The following AFG2A variants were observed in gnomAD, a reference collection of about 807,000 sequenced individuals.
AFG2A encodes the protein ATPase family gene 2 protein homolog A.
chr4:122,946,795 C>T, the AFG2A span, among the ~76,000 whole-genome samples: 3 of 152,076 alleles, frequency 2.0e-5, no homozygotes, highest in Non-Finnish European at 4.4e-5. Flanking sequence ...AGATAACTTT[C>T]TAATAGAATC....
chr4:123,008,489 G>A, the AFG2A span, among the ~76,000 whole-genome samples: 2 of 152,100 alleles, frequency 1.3e-5, no homozygotes, highest in African/African-American at 4.8e-5. Flanking sequence ...TTTACTTTAT[G>A]ATCAGAAACA....
chr4:123,136,850 A>T, the AFG2A span, among the ~76,000 whole-genome samples: 1 of 151,622 alleles, frequency 6.6e-6, no homozygotes, highest in Non-Finnish European at 1.5e-5. Flanking sequence ...CTCAAAAAAA[A>T]AAAAAAAGAA....
chr4:123,197,350 A>G, the AFG2A span, among the ~76,000 whole-genome samples: 1 of 152,234 alleles, frequency 6.6e-6, no homozygotes, highest in African/African-American at 2.4e-5. Context: ...TTAAGAGAAC[A>G]TAGGCATTTG....
the AFG2A span, among the ~76,000 whole-genome samples, chr4:123,293,711 C>T: frequency 6.6e-6 from 1 of 152,224 alleles, no homozygotes; most frequent in Non-Finnish European, 1.5e-5. Context: ...GCAGTGCCCT[C>T]AAGAAGTCCC....
the AFG2A span, among the ~76,000 whole-genome samples, chr4:123,281,108 T>G: frequency 2.6e-5 from 4 of 152,124 alleles, no homozygotes; most frequent in African/African-American, 9.7e-5. Flanking sequence ...TGTTTTTTAT[T>G]TAAATTGATA....
chr4:122,987,350 A>C, the AFG2A span, among the ~76,000 whole-genome samples: 2 of 152,102 alleles, frequency 1.3e-5, no homozygotes, highest in Admixed American at 1.3e-4. Context: ...TGGGTAGCAT[A>C]ATTTTGAATC....
the AFG2A span, among the ~76,000 whole-genome samples, chr4:123,121,448 C>T: frequency 1.3e-5 from 2 of 152,144 alleles, no homozygotes; most frequent in African/African-American, 4.8e-5. Context: ...CACTGACTCA[C>T]CCAGAGCAAC....
At chr4:123,219,259 T>C in the AFG2A span, among the ~76,000 whole-genome samples, 1 of 152,218 alleles carries the variant, frequency 6.6e-6, no homozygotes, top group African/African-American at 2.4e-5. Flanking sequence ...GAGGCAAGCG[T>C]CTGACACAGG....
At chr4:123,186,858 A>G in the AFG2A span, among the ~76,000 whole-genome samples, 2 of 152,140 alleles carry the variant, frequency 1.3e-5, no homozygotes, top group African/African-American at 4.8e-5. Flanking sequence ...AAGTGGGAAT[A>G]TAGATATGTG....
chr4:123,265,835 C>T, the AFG2A span, among the ~76,000 whole-genome samples: 2 of 151,966 alleles, frequency 1.3e-5, no homozygotes, highest in Admixed American at 1.3e-4. Context: ...ATGATAATGC[C>T]GATTTGAGCA....
At chr4:123,028,345 A>T in the AFG2A span, 1 of 1,614,162 alleles carries the variant, frequency 6.2e-7, no homozygotes, top group Non-Finnish European at 8.5e-7. Flanking sequence ...TAAAACAATG[A>T]TAGCAAAGGC....
chr4:123,161,926 T>C, the AFG2A span, among the ~76,000 whole-genome samples: 3,374 of 152,142 alleles, frequency 0.022, 120 homozygotes, highest in African/African-American at 0.076. Flanking sequence ...TAGAGAAACA[T>C]GAACAAGCCA....
the AFG2A span, among the ~76,000 whole-genome samples, chr4:123,027,582 ATAGT>A: frequency 9.5e-4 from 144 of 152,226 alleles, 1 homozygote; most frequent in Non-Finnish European, 1.6e-3. Context: ...ACTGGTTGTT[ATAGT>A]TAGTTCTTTA....
chr4:122,964,501 CAAA>C, the AFG2A span, among the ~76,000 whole-genome samples: 33 of 125,994 alleles, frequency 2.6e-4, no homozygotes, highest in Non-Finnish European at 2.4e-4. Flanking sequence ...AAGACTGTCT[CAAA>C]AAAAAAAAAA....
chr4:123,241,920 A>AT, the AFG2A span, among the ~76,000 whole-genome samples: 1 of 152,244 alleles, frequency 6.6e-6, no homozygotes, highest in South Asian at 2.1e-4. Context: ...GCTGATAAGC[A>AT]ACTTCAGCAA....
At chr4:123,071,341 G>T in the AFG2A span, among the ~76,000 whole-genome samples, 42 of 152,222 alleles carry the variant, frequency 2.8e-4, no homozygotes, top group East Asian at 3.3e-3. Context: ...TTAGCCGGGC[G>T]TGGTGGCGCA....
the AFG2A span, among the ~76,000 whole-genome samples, chr4:122,967,433 A>T: frequency 6.6e-6 from 1 of 152,136 alleles, no homozygotes; most frequent in Non-Finnish European, 1.5e-5. Context: ...CATGTAAAAA[A>T]TGCTGTTCTC....
At chr4:123,122,111 A>G in the AFG2A span, among the ~76,000 whole-genome samples, 8 of 152,212 alleles carry the variant, frequency 5.3e-5, no homozygotes, top group East Asian at 9.6e-4. Flanking sequence ...TGTAGTTTCA[A>G]TATGTAAATT....
chr4:122,935,380 G>A, the AFG2A span, among the ~76,000 whole-genome samples: 1 of 152,028 alleles, frequency 6.6e-6, no homozygotes, highest in Non-Finnish European at 1.5e-5. Flanking sequence ...AACTGGGATT[G>A]GTGGCTTGTC....
Sources: gnomAD v4.1 joint callset for allele counts (sites outside exome capture counted in the v4.1 genomes callset) on GRCh38, gnomAD v4.1.1 for gene constraint, MANE v1.5 for transcripts, NCBI Gene and HGNC (gene_info 2026-07-23, HGNC 2026-07-21) for gene names.